Variants in FXN observed in about 807,000 individuals in gnomAD.
FXN encodes frataxin, also known as frataxin, mitochondrial.
Under a neutral mutation model 22.4 loss-of-function variants are expected in FXN, and 14 were observed. The observed-to-expected ratio is 0.62, with a 90% CI of 0.41 to 0.98. The LOEUF (loss-of-function observed/expected upper bound fraction) is 0.98. FXN is among the 50% of genes least tolerant of loss of function. The pLI, the probability that FXN is intolerant of heterozygous loss-of-function variation, is 0.00. For missense variants in FXN, 267 were observed against 268.4 expected (o/e 0.99, Z 0.04); for synonymous variants, 120 against 114.1 (o/e 1.05, Z -0.33).
intron 1 of FXN, among the ~76,000 whole-genome samples, chr9:69,037,742 A>G (rs966953940): frequency 1.1e-4 from 16 of 152,056 alleles, no homozygotes; most frequent in African/African-American, 3.6e-4. Flanking sequence ...GCTCAGTCTC[A>G]GCTCACTGCA....
chr9:69,043,594 A>T (rs527262091), intron 1 of FXN: 1 of 151,620 alleles, frequency 6.6e-6, no homozygotes. Flanking sequence ...AATGTTTTTG[A>T]TATTTTTTTA....
chr9:69,053,272 C>T lies in FXN; in HGVS notation c.384+12C>T. ...ATGTCTCCTTTGGGGTACCTCTTGACTTCTTTTATTTTTCTGTTTCCCCCT... is the reference window on the plus strand; with the variant it reads ...ATGTCTCCTTTGGGGTACCTCTTGATTTCTTTTATTTTTCTGTTTCCCCCT... On this transcript the variant is annotated intron_variant, in intron 3 of 4. Coordinates refer to ENST00000484259, the MANE Select transcript of FXN (RefSeq NM_000144.5). The T allele has an allele frequency of 6.2e-7, 1 of 1,613,122 alleles. No individual in the cohort carries two copies. The highest frequency in any genetic ancestry group is 8.5e-7 in the Non-Finnish European group (1 of 1,179,428).
chr9:69,046,503 C>A (rs184398096), intron 2 of FXN, 21 bp downstream of exon 2: 2 of 1,526,820 alleles, frequency 1.3e-6, no homozygotes, highest in Non-Finnish European at 1.8e-6. Flanking sequence ...ACACCTTCCA[C>A]GTCATAGGTA....
chr9:69,072,987 G>T lies in FXN; in HGVS notation c.*225G>T, dbSNP rs1158476784. On this transcript the variant is annotated 3_prime_UTR_variant, in exon 5 of 5. Transcript: ENST00000484259. ...CTATGGAAGATTTTTTGGATTGTCGGATTTCCTCCCTCACATGATACCCCT... is the reference window on the plus strand; with the variant it reads ...CTATGGAAGATTTTTTGGATTGTCGTATTTCCTCCCTCACATGATACCCCT... 1 of 1,430,640 alleles carries T rather than the reference G, an allele frequency of 7.0e-7. No individual in the cohort carries two copies. Among genetic ancestry groups the T allele is most frequent in the Admixed American group, 2.9e-5 (1 of 34,926 alleles). The allele number at this position is 1,430,640 out of a possible 1,614,324, so 88.6% of individuals were successfully genotyped here.
chr9:69,041,884 G>A (rs556323737), intron 1 of FXN, among the ~76,000 whole-genome samples: 1 of 152,332 alleles, frequency 6.6e-6, no homozygotes, highest in Admixed American at 6.5e-5. Flanking sequence ...CATGACTTGT[G>A]GTCCAAGGGC....
chr9:69,047,769 G>A (rs990799358), intron 2 of FXN, among the ~76,000 whole-genome samples: 4 of 152,068 alleles, frequency 2.6e-5, no homozygotes, highest in African/African-American at 9.7e-5. Context: ...CCAGGCTGGA[G>A]TGCAGTGGTG....
At position 69,075,545 on chromosome 9, in the gene FXN, C is replaced by A. The variant is rs905570610; in HGVS notation, c.*2783C>A. 10 of 984,998 alleles carry A rather than the reference C, an allele frequency of 1.0e-5. No homozygotes were observed. The African/African-American group carries it at 1.4e-4, about 14-fold the overall frequency. The allele number at this position is 984,998 out of a possible 1,614,324, so 61.0% of individuals were successfully genotyped here. A position where few individuals can be genotyped will look rare whatever the true frequency, so the allele number is the denominator to read the frequency against. On this transcript the variant is annotated 3_prime_UTR_variant, in exon 5 of 5. Transcript: ENST00000484259. Reference sequence around the variant, plus strand: ...TCAAAATCATATTCTGTCAAGCAAACTGGAAAAGTACCACTGTGTGTACCA... The same window carrying A: ...TCAAAATCATATTCTGTCAAGCAAAATGGAAAAGTACCACTGTGTGTACCA...
intron 4 of FXN, among the ~76,000 whole-genome samples, chr9:69,068,312 T>C (rs1253577281): frequency 6.6e-6 from 1 of 152,238 alleles, no homozygotes; most frequent in African/African-American, 2.4e-5. Flanking sequence ...AATGTCACTT[T>C]CTGTTTGCAC....
chr9:69,074,214 T>A lies in FXN; in HGVS notation c.*1452T>A. On this transcript the variant is annotated 3_prime_UTR_variant, in exon 5 of 5. Transcript: ENST00000484259. Reference sequence around the variant, plus strand: ...AATAATAACAATATAATAATAATAATAGCCATCCTTTATTGTACCCTTACT... The same window carrying A: ...AATAATAACAATATAATAATAATAAAAGCCATCCTTTATTGTACCCTTACT... 6.4e-6 allele frequency: 6 copies of A among 930,664 alleles called. No homozygotes were observed. The highest frequency in any genetic ancestry group is 6.4e-6 in the Non-Finnish European group (5 of 780,198). The allele number at this position is 930,664 out of a possible 1,614,324, so 57.7% of individuals were successfully genotyped here. A position where few individuals can be genotyped will look rare whatever the true frequency, so the allele number is the denominator to read the frequency against.
intron 3 of FXN, among the ~76,000 whole-genome samples, chr9:69,053,482 T>TGGAC (rs1831894699): frequency 6.7e-6 from 1 of 148,274 alleles, no homozygotes; most frequent in Non-Finnish European, 1.5e-5. Flanking sequence ...GATGGATGGA[T>TGGAC]GGATGGATGG....
chr9:69,070,004 A>G (rs1398737407), intron 4 of FXN, among the ~76,000 whole-genome samples: 1 of 152,184 alleles, frequency 6.6e-6, no homozygotes, highest in Admixed American at 6.5e-5. Flanking sequence ...TGACGCAGGC[A>G]GATGGCTTGA....
In FXN at chr9:69,073,802, G is replaced by T. The variant is rs1201084110; in HGVS notation, c.*1040G>T. 1.0e-6 allele frequency: 1 copy of T among 985,208 alleles called. No individual in the cohort carries two copies. Among genetic ancestry groups the T allele is most frequent in the Admixed American group, 6.1e-5 (1 of 16,262 alleles). The allele number at this position is 985,208 out of a possible 1,614,324, so 61.0% of individuals were successfully genotyped here. On this transcript the variant is annotated 3_prime_UTR_variant, in exon 5 of 5. Coordinates refer to ENST00000484259, the MANE Select transcript of FXN (RefSeq NM_000144.5). Reference sequence around the variant, plus strand: ...TAATTCCCTATTGGGTAGATGAGGGGATGACAAAGAACAGTTTTTAAGCTA... The same window carrying T: ...TAATTCCCTATTGGGTAGATGAGGGTATGACAAAGAACAGTTTTTAAGCTA...
At chr9:69,048,990 C>T (rs537950861) in intron 2 of FXN, among the ~76,000 whole-genome samples, 6 of 152,312 alleles carry the variant, frequency 3.9e-5, no homozygotes, top group South Asian at 2.1e-4. Context: ...CCTCGGCTTC[C>T]GGCATTCCTC....
chr9:69,051,432 TA>T (rs1247852925), intron 2 of FXN, among the ~76,000 whole-genome samples: 72 of 152,054 alleles, frequency 4.7e-4, no homozygotes, highest in Non-Finnish European at 8.5e-4. Context: ...TTTTTTTTTT[TA>T]ATTTGAGAAG....
chr9:69,040,998 T>G (rs1040197437), intron 1 of FXN, among the ~76,000 whole-genome samples: 3 of 152,228 alleles, frequency 2.0e-5, no homozygotes, highest in African/African-American at 7.2e-5. Flanking sequence ...ACATTTCTAT[T>G]GTTTATAAGC....
chr9:69,047,449 C>T (rs948749842), intron 2 of FXN, among the ~76,000 whole-genome samples: 3 of 152,214 alleles, frequency 2.0e-5, no homozygotes, highest in Non-Finnish European at 4.4e-5. Context: ...TAGCTGCCCG[C>T]AGCACTGGAG....
intron 4 of FXN, among the ~76,000 whole-genome samples, chr9:69,071,673 C>G (rs988341391): frequency 3.9e-5 from 6 of 152,202 alleles, no homozygotes; most frequent in Admixed American, 2.6e-4. Context: ...ACTAGCCCAC[C>G]AGGCTCTCAA....
chr9:69,062,715 TTACTAA>T, intron 3 of FXN, among the ~76,000 whole-genome samples: 1 of 152,206 alleles, frequency 6.6e-6, no homozygotes, highest in South Asian at 2.1e-4. Context: ...AGACAGGTGG[TTACTAA>T]GGGCTATGGG....
chr9:69,051,220 T>C (rs1427348730), intron 2 of FXN, among the ~76,000 whole-genome samples: 2 of 152,308 alleles, frequency 1.3e-5, no homozygotes, highest in African/African-American at 4.8e-5. Context: ...CACCTCAGGC[T>C]CCTGAGGAGC....
Sources: allele counts gnomAD v4.1 joint callset (sites outside exome capture counted in the v4.1 genomes callset), GRCh38; gene constraint gnomAD v4.1.1; transcripts MANE v1.5; gene names NCBI Gene and HGNC (gene_info 2026-07-23, HGNC 2026-07-21).